ITGAM: variants seen among roughly 807,000 people sequenced by gnomAD.
The protein encoded by ITGAM is integrin subunit alpha M.
ITGAM carries 79 observed loss-of-function variants against 137.5 expected under a neutral mutation model. That is an observed-to-expected ratio of 0.57 (90% confidence interval 0.48 to 0.69). ITGAM has a LOEUF of 0.69. Among genes scored for constraint, ITGAM ranks in the 30% least tolerant of loss-of-function variants. The pLI is 0.00. For synonymous variants in ITGAM, 583 were observed against 592.3 expected, an observed-to-expected ratio of 0.98 and a Z score of 0.23; for missense variants, 1,343 against 1,483.5, an observed-to-expected ratio of 0.91 and a Z score of 1.56.
At chr16:31,310,641 C>G (rs1450367506) in intron 14 of ITGAM, among the ~76,000 whole-genome samples, 1 of 152,174 alleles carries the variant, frequency 6.6e-6, no homozygotes, top group African/African-American at 2.4e-5. Context: ...TTGGTTTGAA[C>G]TTCCTCCTTT....
intron 14 of ITGAM, among the ~76,000 whole-genome samples, chr16:31,304,845 T>C (rs1567269548): frequency 6.6e-6 from 1 of 152,236 alleles, no homozygotes; most frequent in East Asian, 1.9e-4. Flanking sequence ...AGTACCATGC[T>C]GTTTTGGTAA....
chr16:31,314,110 T>C (rs2080365409), intron 14 of ITGAM, among the ~76,000 whole-genome samples: 1 of 152,216 alleles, frequency 6.6e-6, no homozygotes, highest in Non-Finnish European at 1.5e-5. Context: ...TTTATGTTCC[T>C]TGTAGATTCT....
Position 31,324,910 on chromosome 16 carries a change from C to T in ITGAM, c.2290-48C>T, listed in dbSNP as rs1169001427. On this transcript the variant is annotated intron_variant, in intron 18 of 29. Coordinates refer to ENST00000544665, the MANE Select transcript of ITGAM (RefSeq NM_000632.4). This position sits in a 1 kb window ranked among gnomAD's most constrained non-coding sequence, Gnocchi z 4.5. ...GATTTTATTGTTTAATTTCACAATA[C>T]TTGGTTATTTTCTTTCCTTTCATTT... 6.4e-7 allele frequency: 1 copy of T among 1,555,448 alleles called. No homozygotes were observed. The highest frequency in any genetic ancestry group is 8.7e-7 in the Non-Finnish European group (1 of 1,143,782).
In ITGAM at chr16:31,331,652, G is replaced by A. The variant is rs754200011; in HGVS notation, c.3404G>A (p.Arg1135Gln). Residue 1135 changes from arginine (R) to glutamine (Q), a missense_variant, in exon 30 of 30, where the codon CGG becomes CAG. Arg to Gln is a conservative substitution (Grantham distance 43). Coordinates refer to ENST00000544665, the MANE Select transcript of ITGAM (RefSeq NM_000632.4). ...AALYKLGFFK[R>Q]QYKDMMSEGG... The stretch of plus-strand genomic sequence containing the variant: ...GCCCCGCAGCTCGGCTTCTTCAAGC[G>A]GCAATACAAGGACATGATGAGTGAA... The A allele has an allele frequency of 1.9e-6, 3 of 1,609,706 alleles. No homozygotes were observed. Among genetic ancestry groups the A allele is most frequent in the East Asian group, 2.2e-5 (1 of 44,734 alleles).
At chr16:31,265,092 C>A (rs939077732) in intron 2 of ITGAM, among the ~76,000 whole-genome samples, 1 of 152,072 alleles carries the variant, frequency 6.6e-6, no homozygotes, top group African/African-American at 2.4e-5. Context: ...TGATCTTGAA[C>A]TCCTGAGCTC....
At chr16:31,306,120 G>C (rs1025780334) in intron 14 of ITGAM, among the ~76,000 whole-genome samples, 7 of 152,096 alleles carry the variant, frequency 4.6e-5, no homozygotes, top group African/African-American at 1.7e-4. Flanking sequence ...CTCGCTGCTT[G>C]TTATTGGTCT....
At chr16:31,260,117 T>G in intron 1 of ITGAM, 25 bp downstream of exon 1, 1 of 607,530 alleles carries the variant, frequency 1.6e-6, no homozygotes, top group Non-Finnish European at 2.9e-6. Flanking sequence ...GGTGGGGGAC[T>G]CTGGGTGGGG....
At chr16:31,306,420 A>G (rs2080265532) in intron 14 of ITGAM, among the ~76,000 whole-genome samples, 1 of 152,204 alleles carries the variant, frequency 6.6e-6, no homozygotes, top group South Asian at 2.1e-4. Context: ...AAGCTAATAT[A>G]GAAATTTTTG....
At chr16:31,282,955 T>A (rs990062559) in intron 12 of ITGAM, among the ~76,000 whole-genome samples, 2 of 152,194 alleles carry the variant, frequency 1.3e-5, no homozygotes, top group Non-Finnish European at 2.9e-5. Context: ...CTGTAAAGTA[T>A]TTTATTTCTC....
At chr16:31,297,421 C>A in intron 12 of ITGAM, 93 bp from the exon 13 acceptor site, 1 of 1,522,362 alleles carries the variant, frequency 6.6e-7, no homozygotes, top group Non-Finnish European at 9.0e-7. Context: ...AGAGGGATTC[C>A]CCCAGCAGGC....
chr16:31,262,835 G>T (rs953785544), intron 2 of ITGAM, among the ~76,000 whole-genome samples: 1 of 152,176 alleles, frequency 6.6e-6, no homozygotes, highest in South Asian at 2.1e-4. Flanking sequence ...CAGAAGAAGG[G>T]GGCTGGTCTC....
rs147267074 is a variant in ITGAM, at chr16:31,301,616, A to T, written c.1707+3662A>T. On this transcript the variant is annotated intron_variant, in intron 14 of 29. Coordinates refer to ENST00000544665, the MANE Select transcript of ITGAM (RefSeq NM_000632.4). ...AGGCTTATTAGCTCATATATTTGGA[A>T]CTAAAAAGTATTTGAAGTTGATCAC... Among the ~76,000 whole-genome samples, 562 of 152,332 alleles carry T rather than the reference A, an allele frequency of 3.7e-3. 5 individuals are homozygous for T. The highest frequency in any genetic ancestry group is 4.8e-3 in the Non-Finnish European group (329 of 68,020).
At chr16:31,270,393 C>T (rs112247412) in intron 5 of ITGAM, among the ~76,000 whole-genome samples, 5,253 of 151,950 alleles carry the variant, frequency 0.035, 283 homozygotes, top group African/African-American at 0.12. Context: ...TGAGCCACCT[C>T]GCCCAGCTGG....
At chr16:31,325,927 G>A (rs61175519) in intron 21 of ITGAM, among the ~76,000 whole-genome samples, 10,383 of 151,916 alleles carry the variant, frequency 0.068, 1,179 homozygotes, top group African/African-American at 0.24. Context: ...TTAGCTGGGC[G>A]TGGTGGTGCA....
chr16:31,289,706 GT>G (rs2080066521), intron 12 of ITGAM, among the ~76,000 whole-genome samples: 1 of 152,152 alleles, frequency 6.6e-6, no homozygotes, highest in African/African-American at 2.4e-5. Flanking sequence ...GTATACATAT[GT>G]AACAAACCTG....
chr16:31,328,888 G>A (rs2080543149), intron 23 of ITGAM: 1 of 447,550 alleles, frequency 2.2e-6, no homozygotes, highest in African/African-American at 2.0e-5. Flanking sequence ...GTGCATGAGT[G>A]TGTATTCGTG....
intron 14 of ITGAM, among the ~76,000 whole-genome samples, chr16:31,302,988 CTT>C: frequency 1.2e-5 from 1 of 83,886 alleles, no homozygotes; most frequent in African/African-American, 4.8e-5. Context: ...TTCTTTCTTT[CTT>C]TCTTTCTTTT....
chr16:31,276,320 CTTTCT>C (rs1182576072), intron 9 of ITGAM, among the ~76,000 whole-genome samples: 4 of 151,880 alleles, frequency 2.6e-5, no homozygotes, highest in Non-Finnish European at 1.5e-5. Flanking sequence ...GGTTCTTCTG[CTTTCT>C]TTTCTTTTCT....
rs541755462 is a variant in ITGAM at position 31,332,182 on chromosome 16, G to A, written c.*475G>A. 1.6e-4 allele frequency: 25 copies of A among 155,736 alleles called. No homozygotes were observed. In the South Asian group the frequency reaches 2.7e-3, roughly 17 times the overall value. 9.6% of individuals were successfully genotyped at this position (155,736 alleles called of 1,614,324 possible). On this transcript the variant is annotated 3_prime_UTR_variant, in exon 30 of 30. Transcript: ENST00000544665. Reference sequence around the variant, plus strand: ...TGGGTTTTCCTCCGGGAGAGGGGACGGTCAATCCTGTGGGTGAAGACAGAG... The same window carrying A: ...TGGGTTTTCCTCCGGGAGAGGGGACAGTCAATCCTGTGGGTGAAGACAGAG...
Sources: gnomAD v4.1 joint callset for allele counts (sites outside exome capture counted in the v4.1 genomes callset) on GRCh38, gnomAD v4.1.1 for gene constraint, Gnocchi (gnomAD v3.1) non-coding constraint, MANE v1.5 for transcripts, NCBI Gene and HGNC (gene_info 2026-07-23, HGNC 2026-07-21) for gene names.